FAM168A: variants seen among roughly 807,000 people sequenced by gnomAD.
FAM168A encodes the protein protein FAM168A.
Under a neutral mutation model 28.5 loss-of-function variants are expected in FAM168A, and 3 were observed. That is an observed-to-expected ratio of 0.11 (90% CI 0.05 to 0.27). The LOEUF is 0.27. Among genes scored for constraint, FAM168A ranks in the 10% least tolerant of loss-of-function variants. The pLI is 1.00. For synonymous variants in FAM168A, 122 were observed against 124.2 expected, an observed-to-expected ratio of 0.98 and a Z score of 0.12; for missense variants, 222 against 311.5, an observed-to-expected ratio of 0.71 and a Z score of 2.16.
At chr11:73,577,044 AC>A (rs896038923) in intron 1 of FAM168A, among the ~76,000 whole-genome samples, 3 of 152,160 alleles carry the variant, frequency 2.0e-5, no homozygotes, top group African/African-American at 7.2e-5. Context: ...CTGAGACACT[AC>A]CTAACAGCTA....
chr11:73,529,796 C>CTTCTTTTTTT (rs1555033111), intron 1 of FAM168A, among the ~76,000 whole-genome samples: 1 of 127,532 alleles, frequency 7.8e-6, no homozygotes, highest in African/African-American at 3.4e-5. Flanking sequence ...ACTTTTTCTT[C>CTTCTTTTTTT]TTTTTTTTTT....
At chr11:73,597,465 G>A (rs899789547) in intron 1 of FAM168A, among the ~76,000 whole-genome samples, 2 of 151,590 alleles carry the variant, frequency 1.3e-5, no homozygotes, top group Non-Finnish European at 2.9e-5. Flanking sequence ...CCCTGTACAT[G>A]CCACTCACTC....
chr11:73,541,767 G>A (rs1032432345), intron 1 of FAM168A, among the ~76,000 whole-genome samples: 22 of 152,094 alleles, frequency 1.4e-4, no homozygotes, highest in Non-Finnish European at 3.2e-4. Flanking sequence ...TTATGAAAAT[G>A]CTTTGTGTAA....
chr11:73,495,849 T>A (rs1024900150), intron 1 of FAM168A, among the ~76,000 whole-genome samples: 1 of 152,214 alleles, frequency 6.6e-6, no homozygotes, highest in South Asian at 2.1e-4. Context: ...GTAGCCACTA[T>A]GGAAAACAAT....
chr11:73,421,128 G>A (rs1866786192), intron 3 of FAM168A, among the ~76,000 whole-genome samples: 2 of 151,996 alleles, frequency 1.3e-5, no homozygotes. Context: ...AGGTGGGGCT[G>A]CATTGGCAAT....
chr11:73,548,332 AT>A (rs11321350), intron 1 of FAM168A, among the ~76,000 whole-genome samples: 46,915 of 151,962 alleles, frequency 0.31, 9,486 homozygotes, highest in African/African-American at 0.58. Flanking sequence ...AATAGCTAAC[AT>A]TTTACTGAGT....
intron 1 of FAM168A, among the ~76,000 whole-genome samples, chr11:73,471,323 C>T (rs1031895956): frequency 9.9e-5 from 15 of 151,912 alleles, no homozygotes; most frequent in South Asian, 2.1e-4. Flanking sequence ...TTTCCTCTAA[C>T]CTCAAAATGG....
intron 1 of FAM168A, among the ~76,000 whole-genome samples, chr11:73,520,658 C>T (rs1943364011): frequency 6.6e-6 from 1 of 152,104 alleles, no homozygotes; most frequent in Non-Finnish European, 1.5e-5. Context: ...AAATGTTTCA[C>T]TGAAATTATA....
At chr11:73,595,391 C>T (rs1045759568) in intron 1 of FAM168A, among the ~76,000 whole-genome samples, 2 of 152,106 alleles carry the variant, frequency 1.3e-5, no homozygotes, top group South Asian at 2.1e-4. Context: ...TATGCTCAAT[C>T]GTGAAAGCCA....
intron 1 of FAM168A, among the ~76,000 whole-genome samples, chr11:73,511,816 G>T (rs914110840): frequency 1.3e-5 from 2 of 152,142 alleles, no homozygotes; most frequent in African/African-American, 4.8e-5. Context: ...CACAGGATTA[G>T]CCTGAGAATC....
chr11:73,520,621 G>C (rs556093173), intron 1 of FAM168A, among the ~76,000 whole-genome samples: 1 of 152,028 alleles, frequency 6.6e-6, no homozygotes, highest in Non-Finnish European at 1.5e-5. Flanking sequence ...CACCTGATTC[G>C]ACCTAATTTT....
chr11:73,470,819 C>G (rs1046836601), intron 1 of FAM168A, among the ~76,000 whole-genome samples: 2 of 152,314 alleles, frequency 1.3e-5, no homozygotes, highest in Non-Finnish European at 1.5e-5. Flanking sequence ...TACAACTTAC[C>G]TGTAAACATC....
At chr11:73,590,398 T>C (rs1273136493) in intron 1 of FAM168A, among the ~76,000 whole-genome samples, 2 of 152,310 alleles carry the variant, frequency 1.3e-5, no homozygotes, top group Non-Finnish European at 2.9e-5. Flanking sequence ...TGTCAATAAA[T>C]ATGAATGTGA....
chr11:73,437,942 C>T (rs1466863527), intron 2 of FAM168A, among the ~76,000 whole-genome samples: 2 of 152,200 alleles, frequency 1.3e-5, no homozygotes, highest in African/African-American at 4.8e-5. Context: ...CTTCAATTTA[C>T]AAATCCCCTT....
At chr11:73,515,763 G>A (rs1482270398) in intron 1 of FAM168A, among the ~76,000 whole-genome samples, 1 of 152,044 alleles carries the variant, frequency 6.6e-6, no homozygotes, top group African/African-American at 2.4e-5. Context: ...CTTCTCACAG[G>A]ACAAGTATCA....
intron 1 of FAM168A, among the ~76,000 whole-genome samples, chr11:73,512,374 T>C (rs958330696): frequency 6.6e-6 from 1 of 152,000 alleles, no homozygotes; most frequent in Non-Finnish European, 1.5e-5. Flanking sequence ...AGAGAAAGAA[T>C]GTAGATTATT....
chr11:73,596,944 C>T (rs1944445127), intron 1 of FAM168A, among the ~76,000 whole-genome samples: 1 of 152,138 alleles, frequency 6.6e-6, no homozygotes, highest in Non-Finnish European at 1.5e-5. Context: ...AAGATACCAT[C>T]CCCCAACTTT....
At chr11:73,521,746 C>G (rs1046005626) in intron 1 of FAM168A, among the ~76,000 whole-genome samples, 6 of 152,170 alleles carry the variant, frequency 3.9e-5, no homozygotes. Context: ...CACCAGGATA[C>G]TGACTCATCC....
At chr11:73,472,056 A>G (rs1867822401) in intron 1 of FAM168A, among the ~76,000 whole-genome samples, 1 of 152,104 alleles carries the variant, frequency 6.6e-6, no homozygotes, top group East Asian at 1.9e-4. Context: ...GCACATACGA[A>G]GGAATCTAGG....
Sources: gnomAD v4.1 joint callset for allele counts (sites outside exome capture counted in the v4.1 genomes callset) on GRCh38, gnomAD v4.1.1 for gene constraint, MANE v1.5 for transcripts, NCBI Gene and HGNC (gene_info 2026-07-23, HGNC 2026-07-21) for gene names.